EYS: variants seen among roughly 807,000 people sequenced by gnomAD.
EYS encodes EGF-like photoreceptor maintenance factor.
Under a neutral mutation model 282.1 loss-of-function variants are expected in EYS, and 250 were observed. The ratio of observed to expected loss-of-function variants is 0.89; its 90% CI spans 0.80 to 0.98. The LOEUF (loss-of-function observed/expected upper bound fraction) is 0.98, where lower values mean the gene tolerates loss of function less well. EYS is among the 50% of genes least tolerant of loss of function. The pLI is 0.00. For synonymous variants in EYS, 1,355 were observed against 1,282.9 expected, an observed-to-expected ratio of 1.06 and a Z score of -1.20; for missense variants, 4,016 against 3,709.0, an observed-to-expected ratio of 1.08 and a Z score of -2.15.
intron 5 of EYS, among the ~76,000 whole-genome samples, chr6:65,406,522 G>A (rs1766746292): frequency 6.6e-6 from 1 of 151,950 alleles, no homozygotes; most frequent in Admixed American, 6.6e-5. Context: ...AGGTCATGAA[G>A]ACATTTTAAT....
At chr6:64,987,209 G>A (rs931642664) in intron 14 of EYS, among the ~76,000 whole-genome samples, 30 of 151,298 alleles carry the variant, frequency 2.0e-4, no homozygotes, top group East Asian at 3.9e-4. Context: ...GATGATTTCC[G>A]GAATCATCAG....
intron 2 of EYS, among the ~76,000 whole-genome samples, chr6:65,570,157 G>GA (rs1272888747): frequency 3.3e-5 from 5 of 152,012 alleles, no homozygotes; most frequent in Non-Finnish European, 5.9e-5. Context: ...TTCCTCTAGG[G>GA]AAAAAGTAAA....
intron 2 of EYS, among the ~76,000 whole-genome samples, chr6:65,542,539 C>T (rs933583441): frequency 6.6e-6 from 1 of 150,444 alleles, no homozygotes; most frequent in East Asian, 2.0e-4. Context: ...GGATATGTGT[C>T]AACACCAATC....
chr6:63,874,717 T>G (rs544724058), intron 35 of EYS, among the ~76,000 whole-genome samples: 1 of 152,330 alleles, frequency 6.6e-6, no homozygotes, highest in East Asian at 1.9e-4. Flanking sequence ...CGAGATATTT[T>G]ATTCTCTTTG....
intron 11 of EYS, among the ~76,000 whole-genome samples, chr6:65,317,879 T>C (rs564832742): frequency 2.4e-4 from 17 of 71,634 alleles, no homozygotes; most frequent in Admixed American, 3.9e-4. Context: ...TCTTTCTTTC[T>C]TTCTTTCAGA....
intron 14 of EYS, among the ~76,000 whole-genome samples, chr6:64,947,950 C>T (rs1366137926): frequency 6.6e-6 from 1 of 151,640 alleles, no homozygotes; most frequent in Non-Finnish European, 1.5e-5. Flanking sequence ...TTTGATGCCT[C>T]AATAATATTT....
intron 33 of EYS, among the ~76,000 whole-genome samples, chr6:64,029,921 G>T (rs1332236901): frequency 6.6e-6 from 1 of 152,216 alleles, no homozygotes; most frequent in Non-Finnish European, 1.5e-5. Flanking sequence ...TAACCTCTGG[G>T]GGAGCCCCCA....
At chr6:65,464,538 A>T (rs1229437244) in intron 5 of EYS, among the ~76,000 whole-genome samples, 1 of 152,158 alleles carries the variant, frequency 6.6e-6, no homozygotes, top group Non-Finnish European at 1.5e-5. Flanking sequence ...ATCAATATAC[A>T]AATATTTTGT....
chr6:64,547,951 G>A (rs1764934585), intron 26 of EYS, among the ~76,000 whole-genome samples: 1 of 152,212 alleles, frequency 6.6e-6, no homozygotes, highest in Non-Finnish European at 1.5e-5. Flanking sequence ...CCCAGTGCCA[G>A]CAGGGCTGGC....
chr6:65,448,769 T>C (rs1201183879), intron 5 of EYS, among the ~76,000 whole-genome samples: 1 of 152,094 alleles, frequency 6.6e-6, no homozygotes, highest in Non-Finnish European at 1.5e-5. Context: ...TCAAATGCAA[T>C]GTTTTTGGTA....
chr6:64,577,396 C>T (rs114195054), intron 26 of EYS, among the ~76,000 whole-genome samples: 1 of 151,912 alleles, frequency 6.6e-6, no homozygotes, highest in Admixed American at 6.6e-5. Context: ...TCTGTATTTT[C>T]TAATCATTAC....
chr6:64,682,658 G>A (rs1017315886), intron 22 of EYS, among the ~76,000 whole-genome samples: 4 of 152,150 alleles, frequency 2.6e-5, no homozygotes, highest in African/African-American at 9.7e-5. Flanking sequence ...TTTGCATGCA[G>A]GCAGCCCACC....
At chr6:64,248,459 A>C (rs1003955817) in intron 30 of EYS, among the ~76,000 whole-genome samples, 1 of 152,166 alleles carries the variant, frequency 6.6e-6, no homozygotes, top group African/African-American at 2.4e-5. Flanking sequence ...GTAAAAAAGT[A>C]AAGAGATTTA....
At chr6:64,381,894 A>AATAC (rs1772758735) in intron 29 of EYS, among the ~76,000 whole-genome samples, 1 of 152,226 alleles carries the variant, frequency 6.6e-6, no homozygotes. Flanking sequence ...TTCTTAAAAG[A>AATAC]ATACAGATGG....
At chr6:65,671,891 C>A (rs866441439) in intron 1 of EYS, among the ~76,000 whole-genome samples, 2 of 152,130 alleles carry the variant, frequency 1.3e-5, no homozygotes, top group African/African-American at 4.8e-5. Flanking sequence ...AGACTGATTT[C>A]TTCCCTATTT....
chr6:64,921,145 C>G (rs1199792003), intron 15 of EYS, among the ~76,000 whole-genome samples: 1 of 152,038 alleles, frequency 6.6e-6, no homozygotes, highest in African/African-American at 2.4e-5. Flanking sequence ...AAACTATATA[C>G]TCTAATTACT....
intron 22 of EYS, among the ~76,000 whole-genome samples, chr6:64,634,280 C>T (rs1348887021): frequency 6.6e-6 from 1 of 152,136 alleles, no homozygotes; most frequent in African/African-American, 2.4e-5. Flanking sequence ...CCACACCTGG[C>T]CTAAATGCTT....
intron 35 of EYS, among the ~76,000 whole-genome samples, chr6:63,917,284 T>C (rs188028260): frequency 1.4e-3 from 217 of 152,334 alleles, no homozygotes; most frequent in Middle Eastern, 6.8e-3. Flanking sequence ...TTGATAGAAG[T>C]AGCTGATAGA....
At chr6:64,037,015 G>T (rs570166074) in intron 33 of EYS, among the ~76,000 whole-genome samples, 3 of 152,218 alleles carry the variant, frequency 2.0e-5, no homozygotes, top group Admixed American at 6.5e-5. Context: ...TTGGAAATGT[G>T]GAGCCTCAGA....
Sources: allele counts gnomAD v4.1 joint callset (sites outside exome capture counted in the v4.1 genomes callset), GRCh38; gene constraint gnomAD v4.1.1; transcripts MANE v1.5; gene names NCBI Gene and HGNC (gene_info 2026-07-23, HGNC 2026-07-21).